Variants in GALNT13 observed in about 807,000 individuals in gnomAD.
GALNT13 encodes UDP-GalNAc:polypeptide N-acetylgalactosaminyltransferase 13.
A neutral mutation model predicts 64.2 loss-of-function variants in GALNT13; 28 were observed. That is an observed-to-expected ratio of 0.44 (90% CI 0.32 to 0.60). The LOEUF (loss-of-function observed/expected upper bound fraction) is 0.60, where lower values mean the gene tolerates loss of function less well. Ranked by LOEUF, GALNT13 falls within the 20% of genes least tolerant of loss-of-function variation. The pLI is 0.05. For missense variants in GALNT13, 577 were observed against 669.8 expected (o/e 0.86, Z 1.53); for synonymous variants, 214 against 224.6 (o/e 0.95, Z 0.42).
chr2:153,327,882 T>C, the GALNT13 span, among the ~76,000 whole-genome samples: 9 of 152,124 alleles, frequency 5.9e-5, no homozygotes, highest in Non-Finnish European at 1.0e-4. Flanking sequence ...ACATTCTGAT[T>C]TTTGAAATTT....
chr2:153,876,807 T>C (rs1686413777), intron 1 of GALNT13, among the ~76,000 whole-genome samples: 1 of 152,206 alleles, frequency 6.6e-6, no homozygotes, highest in Non-Finnish European at 1.5e-5. Context: ...AATGAAATTC[T>C]TAATTTTTAA....
chr2:153,377,422 G>A, the GALNT13 span, among the ~76,000 whole-genome samples: 1 of 152,080 alleles, frequency 6.6e-6, no homozygotes, highest in East Asian at 1.9e-4. Flanking sequence ...CTAGCAAGAG[G>A]TGTTTTGGTC....
intron 9 of GALNT13, among the ~76,000 whole-genome samples, chr2:154,389,419 A>T (rs1698673585): frequency 1.3e-5 from 2 of 152,202 alleles, no homozygotes; most frequent in Non-Finnish European, 2.9e-5. Flanking sequence ...GATTATAGGC[A>T]TGAGCCACAG....
chr2:153,398,375 A>G, the GALNT13 span, among the ~76,000 whole-genome samples: 1 of 152,122 alleles, frequency 6.6e-6, no homozygotes, highest in Non-Finnish European at 1.5e-5. Context: ...TAATGCCGCA[A>G]TAAACATACG....
chr2:153,201,327 T>C, the GALNT13 span, among the ~76,000 whole-genome samples: 3 of 152,160 alleles, frequency 2.0e-5, no homozygotes, highest in Admixed American at 2.0e-4. Flanking sequence ...AAAAACTAAC[T>C]GCTTATCTAT....
At chr2:154,184,054 A>G (rs1327361301) in intron 4 of GALNT13, among the ~76,000 whole-genome samples, 1 of 151,814 alleles carries the variant, frequency 6.6e-6, no homozygotes, top group African/African-American at 2.4e-5. Context: ...ATCATGAATT[A>G]ACCCATATAT....
chr2:153,828,176 G>T, the GALNT13 span, among the ~76,000 whole-genome samples: 50 of 152,346 alleles, frequency 3.3e-4, no homozygotes, highest in African/African-American at 1.1e-3. Context: ...CGCAGTGCAA[G>T]CTCTCAGTGG....
At chr2:153,584,126 C>A in the GALNT13 span, among the ~76,000 whole-genome samples, 17 of 152,260 alleles carry the variant, frequency 1.1e-4, no homozygotes, top group Admixed American at 7.8e-4. Flanking sequence ...AAAATTGTAG[C>A]TGTTGGGTTC....
intron 3 of GALNT13, among the ~76,000 whole-genome samples, chr2:154,107,538 C>T (rs747018702): frequency 6.2e-5 from 9 of 145,360 alleles, no homozygotes; most frequent in Non-Finnish European, 1.2e-4. Context: ...TGCAGTGAGC[C>T]GAGATCATGG....
At chr2:153,705,221 C>A in the GALNT13 span, among the ~76,000 whole-genome samples, 2 of 152,016 alleles carry the variant, frequency 1.3e-5, no homozygotes, top group Admixed American at 1.3e-4. Flanking sequence ...AAATATGGCT[C>A]CACTGACTAG....
chr2:153,401,676 T>C, the GALNT13 span, among the ~76,000 whole-genome samples: 1 of 149,198 alleles, frequency 6.7e-6, no homozygotes, highest in Non-Finnish European at 1.5e-5. Context: ...TTTACCATTA[T>C]GTAATGGCCT....
At chr2:153,680,506 T>G in the GALNT13 span, among the ~76,000 whole-genome samples, 26,124 of 151,902 alleles carry the variant, frequency 0.17, 2,759 homozygotes, top group Non-Finnish European at 0.23. Context: ...TTATAAGTGA[T>G]AAGATACAGA....
intron 2 of GALNT13, among the ~76,000 whole-genome samples, chr2:153,907,057 T>C (rs1025616308): frequency 6.6e-6 from 1 of 152,168 alleles, no homozygotes; most frequent in Non-Finnish European, 1.5e-5. Flanking sequence ...TTGAGAAGTG[T>C]CTGTTCATAT....
intron 3 of GALNT13, among the ~76,000 whole-genome samples, chr2:154,067,871 T>A (rs779308791): frequency 1.3e-5 from 2 of 152,054 alleles, no homozygotes; most frequent in Non-Finnish European, 2.9e-5. Context: ...ACAAGTGGGA[T>A]GTGTCAAGTT....
the GALNT13 span, among the ~76,000 whole-genome samples, chr2:153,553,955 G>A: frequency 4.3e-5 from 1 of 23,108 alleles, no homozygotes; most frequent in Non-Finnish European, 7.6e-5. Context: ...GTGGATGTGA[G>A]TCCTGGGGAT....
chr2:153,949,173 A>G (rs1358486948), intron 3 of GALNT13, among the ~76,000 whole-genome samples: 1 of 152,128 alleles, frequency 6.6e-6, no homozygotes, highest in Non-Finnish European at 1.5e-5. Flanking sequence ...AGTAGGCTAT[A>G]CTATTTAGTC....
chr2:153,536,405 G>A, the GALNT13 span, among the ~76,000 whole-genome samples: 1 of 152,108 alleles, frequency 6.6e-6, no homozygotes, highest in African/African-American at 2.4e-5. Context: ...TGGAGGAGGA[G>A]GGCATTCATT....
the GALNT13 span, among the ~76,000 whole-genome samples, chr2:153,787,380 C>T: frequency 2.6e-5 from 4 of 152,168 alleles, no homozygotes; most frequent in Admixed American, 2.6e-4. Context: ...TATAAGTCAG[C>T]TGCAAATAAA....
chr2:153,949,169 C>G (rs1691989753), intron 3 of GALNT13, among the ~76,000 whole-genome samples: 1 of 152,038 alleles, frequency 6.6e-6, no homozygotes, highest in African/African-American at 2.4e-5. Context: ...GTGCAGTAGG[C>G]TATACTATTT....
Sources: allele counts gnomAD v4.1 joint callset (sites outside exome capture counted in the v4.1 genomes callset), GRCh38; gene constraint gnomAD v4.1.1; transcripts MANE v1.5; gene names NCBI Gene and HGNC (gene_info 2026-07-23, HGNC 2026-07-21).